TENM4: variants seen among roughly 807,000 people sequenced by gnomAD.
TENM4 encodes the protein teneurin transmembrane protein 4.
A neutral mutation model predicts 243.3 loss-of-function variants in TENM4; 82 were observed. The ratio of observed to expected loss-of-function variants is 0.34; its 90% CI spans 0.28 to 0.40. The LOEUF is 0.40. TENM4 is among the 10% of genes least tolerant of loss of function. The pLI is 1.00. For missense variants in TENM4, 3,138 were observed against 3,673.3 expected (o/e 0.85, Z 3.77); for synonymous variants, 1,412 against 1,456.3 (o/e 0.97, Z 0.69).
chr11:78,753,345 C>T (rs1856233131), intron 19 of TENM4, among the ~76,000 whole-genome samples: 1 of 152,196 alleles, frequency 6.6e-6, no homozygotes, highest in African/African-American at 2.4e-5. Flanking sequence ...TCCCTGAGGT[C>T]ACACACAGCT....
chr11:79,277,637 C>T (rs957221810), intron 2 of TENM4, among the ~76,000 whole-genome samples: 3 of 152,126 alleles, frequency 2.0e-5, no homozygotes, highest in African/African-American at 7.2e-5. Context: ...GGCAGGGAAG[C>T]AAAGTGCTGA....
intron 1 of TENM4, among the ~76,000 whole-genome samples, chr11:79,322,682 A>T (rs1304131272): frequency 6.6e-6 from 1 of 152,200 alleles, no homozygotes; most frequent in East Asian, 1.9e-4. Context: ...ATCAAAATTG[A>T]GCTTTGAATT....
chr11:78,821,629 A>T (rs1857734953), intron 12 of TENM4, among the ~76,000 whole-genome samples: 1 of 152,260 alleles, frequency 6.6e-6, no homozygotes, highest in African/African-American at 2.4e-5. Context: ...GTGTTCACTG[A>T]AGAACAACCA....
At chr11:79,064,422 A>G (rs1002972748) in intron 6 of TENM4, among the ~76,000 whole-genome samples, 3 of 152,118 alleles carry the variant, frequency 2.0e-5, no homozygotes, top group African/African-American at 7.2e-5. Context: ...TGGAGGATAA[A>G]CTATGGGGAA....
At position 78,772,699 on chromosome 11, in the gene TENM4, C is replaced by G. The variant is rs116049351; in HGVS notation, c.2393-1561G>C. On this transcript the variant is annotated intron_variant, in intron 17 of 33. Coordinates refer to ENST00000278550, the MANE Select transcript of TENM4 (RefSeq NM_001098816.3). ...TGTTCCCAGGACTTTTGATAGTTGA[C>G]TGTTATTCCAAAGTAAAAGAAAATA... 4.9e-3 allele frequency among the ~76,000 whole-genome samples: 729 copies of G among 148,794 alleles called. 6 individuals are homozygous for G. Among genetic ancestry groups the G allele is most frequent in the African/African-American group, 0.018 (691 of 38,178 alleles).
At chr11:79,296,811 A>G (rs1178738930) in intron 2 of TENM4, among the ~76,000 whole-genome samples, 1 of 152,206 alleles carries the variant, frequency 6.6e-6, no homozygotes, top group Non-Finnish European at 1.5e-5. Flanking sequence ...GAAAGATCAC[A>G]AAGTACCCTT....
intron 28 of TENM4, among the ~76,000 whole-genome samples, chr11:78,698,512 A>G (rs1375486263): frequency 1.3e-5 from 2 of 152,206 alleles, no homozygotes; most frequent in Non-Finnish European, 2.9e-5. Flanking sequence ...TTAGAAAAAT[A>G]GAACATTTCG....
At chr11:79,036,623 C>T (rs1180231604) in intron 6 of TENM4, among the ~76,000 whole-genome samples, 1 of 152,242 alleles carries the variant, frequency 6.6e-6, no homozygotes, top group Admixed American at 6.5e-5. Context: ...AAGATGCAGA[C>T]ACCCAAGTTT....
At chr11:78,960,400 G>A (rs1857293143) in intron 6 of TENM4, among the ~76,000 whole-genome samples, 1 of 152,170 alleles carries the variant, frequency 6.6e-6, no homozygotes, top group African/African-American at 2.4e-5. Flanking sequence ...GCTAGAAAAG[G>A]AGGGTAGGTA....
chr11:78,775,144 G>C (rs2136004498), intron 17 of TENM4, among the ~76,000 whole-genome samples: 1 of 152,328 alleles, frequency 6.6e-6, no homozygotes, highest in Admixed American at 6.5e-5. Context: ...AATAAAGAAA[G>C]CTGCTTATTC....
intron 1 of TENM4, among the ~76,000 whole-genome samples, chr11:79,432,467 A>G (rs1859189775): frequency 6.6e-6 from 1 of 152,162 alleles, no homozygotes; most frequent in African/African-American, 2.4e-5. Flanking sequence ...GGTTTCTCTG[A>G]CTCACCCTGA....
chr11:79,228,563 G>T (rs761346601), intron 2 of TENM4, among the ~76,000 whole-genome samples: 1 of 151,918 alleles, frequency 6.6e-6, no homozygotes, highest in Admixed American at 6.6e-5. Flanking sequence ...GCAGACACAC[G>T]TGCTTATTTC....
At chr11:79,148,088 C>CT (rs1862425727) in intron 4 of TENM4, among the ~76,000 whole-genome samples, 1 of 152,110 alleles carries the variant, frequency 6.6e-6, no homozygotes, top group African/African-American at 2.4e-5. Flanking sequence ...TTTGGGTTTA[C>CT]CCTGCTTTGA....
intron 19 of TENM4, among the ~76,000 whole-genome samples, chr11:78,740,445 T>C (rs1855901629): frequency 6.9e-6 from 1 of 145,484 alleles, no homozygotes; most frequent in Admixed American, 7.0e-5. Context: ...TTGGTCTAAA[T>C]GCAATTACAC....
chr11:79,235,798 C>A (rs1864454560), intron 2 of TENM4, among the ~76,000 whole-genome samples: 2 of 152,238 alleles, frequency 1.3e-5, no homozygotes, highest in South Asian at 4.2e-4. Flanking sequence ...ATGAACACTC[C>A]CTTCTCCAGG....
At chr11:79,036,395 G>A (rs1859377699) in intron 6 of TENM4, among the ~76,000 whole-genome samples, 2 of 152,236 alleles carry the variant, frequency 1.3e-5, no homozygotes, top group Admixed American at 6.5e-5. Context: ...GATAGCTGGT[G>A]GTATGGGGAT....
At chr11:78,853,346 C>A (rs1050273455) in intron 12 of TENM4, among the ~76,000 whole-genome samples, 2 of 152,196 alleles carry the variant, frequency 1.3e-5, no homozygotes, top group African/African-American at 4.8e-5. Flanking sequence ...TTAGGGCAGT[C>A]TAAGAAGCAG....
At position 78,672,180 on chromosome 11, in the gene TENM4, A is replaced by C; in HGVS notation, c.5646T>G (p.Gly1882=). 1 of 1,613,846 alleles carries C rather than the reference A, an allele frequency of 6.2e-7. No homozygotes were observed. Among genetic ancestry groups the C allele is most frequent in the Non-Finnish European group, 8.5e-7 (1 of 1,179,848 alleles). ...SLWSPSSRLN[G]VNVTYSPGGY... ...CCCCAGGGGAGTATGTCACGTTGAC[A>C]CCATTCAGCCTGCTGCTGGGTGACC... is the stretch of plus-strand genomic sequence containing the variant. Residue 1882 remains glycine (G), a synonymous_variant, in exon 31 of 34, where the codon GGT becomes GGG. Transcript: ENST00000278550.
chr11:78,880,211 A>T (rs1374834426), intron 9 of TENM4, among the ~76,000 whole-genome samples: 1 of 152,174 alleles, frequency 6.6e-6, no homozygotes, highest in Non-Finnish European at 1.5e-5. Flanking sequence ...AAATGGATTA[A>T]GGGCGGTGCA....
Sources: gnomAD v4.1 joint callset for allele counts (sites outside exome capture counted in the v4.1 genomes callset) on GRCh38, gnomAD v4.1.1 for gene constraint, MANE v1.5 for transcripts, NCBI Gene and HGNC (gene_info 2026-07-23, HGNC 2026-07-21) for gene names.